The following EPC1 variants were observed in gnomAD, a reference collection of about 807,000 sequenced individuals.
EPC1 encodes the protein enhancer of polycomb 1, also known as enhancer of polycomb homolog 1.
Under a neutral mutation model 98.4 loss-of-function variants are expected in EPC1, and 12 were observed. That is an observed-to-expected ratio of 0.12 (90% CI 0.08 to 0.20). EPC1 has a LOEUF of 0.20. EPC1 is among the 10% of genes least tolerant of loss of function. The pLI is 1.00. For synonymous variants in EPC1, 357 were observed against 363.9 expected (o/e 0.98, Z 0.21); for missense variants, 729 against 990.5 (o/e 0.74, Z 3.54).
intron 1 of EPC1, among the ~76,000 whole-genome samples, chr10:32,331,550 T>C (rs763715246): frequency 1.1e-4 from 17 of 151,974 alleles, no homozygotes; most frequent in Non-Finnish European, 2.4e-4. Context: ...AATAGATGAC[T>C]TCTCCAGAAC....
intron 6 of EPC1, among the ~76,000 whole-genome samples, chr10:32,288,596 C>T (rs1017634966): frequency 6.6e-6 from 1 of 152,052 alleles, no homozygotes; most frequent in Non-Finnish European, 1.5e-5. Context: ...AGTGACCTGC[C>T]TGCCTCTACC....
At chr10:32,287,927 T>C (rs891043522) in intron 6 of EPC1, among the ~76,000 whole-genome samples, 2 of 152,198 alleles carry the variant, frequency 1.3e-5, no homozygotes, top group African/African-American at 4.8e-5. Flanking sequence ...ACTGAGCTGA[T>C]GGAACACAGC....
Position 32,339,583 on chromosome 10 carries a change from T to C in EPC1, c.153+7180A>G, listed in dbSNP as rs1193626236. Reference sequence around the variant, plus strand: ...TAATAACAACCTAAGTTAAAATACATAGTTTTTCACAATCATATCATACAA... The same window carrying C: ...TAATAACAACCTAAGTTAAAATACACAGTTTTTCACAATCATATCATACAA... On this transcript the variant is annotated intron_variant, in intron 1 of 13. Transcript: ENST00000319778. 7.2e-5 allele frequency among the ~76,000 whole-genome samples: 11 copies of C among 152,278 alleles called. No homozygotes were observed. In the East Asian group the frequency reaches 2.1e-3, roughly 29 times the overall value.
chr10:32,338,318 A>G (rs1418672728), intron 1 of EPC1, among the ~76,000 whole-genome samples: 11 of 151,914 alleles, frequency 7.2e-5, no homozygotes, highest in Admixed American at 7.2e-4. Flanking sequence ...ATATATCTCA[A>G]ATCCATCCAT....
chr10:32,340,692 T>C (rs1382305222), intron 1 of EPC1, among the ~76,000 whole-genome samples: 1 of 152,044 alleles, frequency 6.6e-6, no homozygotes, highest in Non-Finnish European at 1.5e-5. Context: ...GGCGTGGTGG[T>C]GTGTACCTGT....
At chr10:32,331,200 T>A (rs994447839) in intron 1 of EPC1, among the ~76,000 whole-genome samples, 4 of 152,026 alleles carry the variant, frequency 2.6e-5, no homozygotes, top group Admixed American at 6.6e-5. Context: ...AAGGAAACTT[T>A]AATTAACTGG....
At chr10:32,339,466 A>T (rs531981271) in intron 1 of EPC1, among the ~76,000 whole-genome samples, 163 of 152,182 alleles carry the variant, frequency 1.1e-3, no homozygotes, top group Non-Finnish European at 1.9e-3. Context: ...AATCGCTTGA[A>T]TCTGGGAGGT....
intron 1 of EPC1, among the ~76,000 whole-genome samples, chr10:32,316,363 T>C (rs1262700889): frequency 6.6e-6 from 1 of 152,098 alleles, no homozygotes; most frequent in Non-Finnish European, 1.5e-5. Flanking sequence ...CAGAAAGACG[T>C]GAGTAAGAAT....
At chr10:32,346,074 G>A (rs1033245450) in intron 1 of EPC1, among the ~76,000 whole-genome samples, 8 of 152,200 alleles carry the variant, frequency 5.3e-5, no homozygotes, top group Admixed American at 1.3e-4. Context: ...GTCCCAGAAA[G>A]AGGACACTGA....
intron 10 of EPC1, among the ~76,000 whole-genome samples, chr10:32,277,159 C>A (rs999449928): frequency 2.0e-5 from 3 of 152,138 alleles, no homozygotes; most frequent in African/African-American, 4.8e-5. Context: ...GAGGTACCAA[C>A]AATATGAATC....
chr10:32,328,379 G>C (rs1349707645), intron 1 of EPC1, among the ~76,000 whole-genome samples: 1 of 152,192 alleles, frequency 6.6e-6, no homozygotes, highest in Non-Finnish European at 1.5e-5. Context: ...TGGCATATGA[G>C]CTGAATGGAA....
At chr10:32,307,683 A>G (rs1255632751) in intron 1 of EPC1, among the ~76,000 whole-genome samples, 1 of 152,204 alleles carries the variant, frequency 6.6e-6, no homozygotes, top group Non-Finnish European at 1.5e-5. Context: ...CTACTTTGGT[A>G]GTCTATTGCC....
chr10:32,293,041 T>C lies in EPC1; in HGVS notation c.613A>G (p.Asn205Asp), dbSNP rs1370972442. 4 of 1,611,958 alleles carry C rather than the reference T, an allele frequency of 2.5e-6. No homozygotes were observed. Among genetic ancestry groups the C allele is most frequent in the African/African-American group, 2.7e-5 (2 of 74,888 alleles). ...CTTCTAAAAGCCACATAAGGATCAT[T>C]TGTGCTGGAACCATCTCGCTTCTCT... is the stretch of plus-strand genomic sequence containing the variant. ...KQEKRDGSSTNDPYVAFRRRT... is the reference protein window; with the variant it reads ...KQEKRDGSSTDDPYVAFRRRT... Residue 205 changes from asparagine to aspartate, a missense_variant, in exon 4 of 14, where the codon AAT becomes GAT. Asn to Asp is a conservative substitution (Grantham distance 23). Around this residue, in one of 6 missense-constraint regions of EPC1, gnomAD observed 39 missense variants for 94.9 expected, o/e 0.41. Coordinates refer to ENST00000319778, the MANE Select transcript of EPC1 (RefSeq NM_001272004.3).
intron 1 of EPC1, among the ~76,000 whole-genome samples, chr10:32,358,959 T>C (rs1474428262): frequency 1.3e-5 from 2 of 152,186 alleles, no homozygotes; most frequent in African/African-American, 4.8e-5. Context: ...CTCTTTAAGA[T>C]AGGTAGAGGC....
At chr10:32,370,284 C>T (rs1229824774) in intron 1 of EPC1, among the ~76,000 whole-genome samples, 1 of 152,128 alleles carries the variant, frequency 6.6e-6, no homozygotes, top group African/African-American at 2.4e-5. Flanking sequence ...GGGCCTCCCT[C>T]ACCTCCTAGG....
chr10:32,370,819 A>G (rs1839725382), intron 1 of EPC1, among the ~76,000 whole-genome samples: 1 of 152,234 alleles, frequency 6.6e-6, no homozygotes, highest in African/African-American at 2.4e-5. Flanking sequence ...GCCACATGTT[A>G]CTAGTGAGTA....
upstream of EPC1, among the ~76,000 whole-genome samples, chr10:32,348,432 A>C (rs1592630011): frequency 6.6e-6 from 1 of 152,208 alleles, no homozygotes; most frequent in Non-Finnish European, 1.5e-5. Flanking sequence ...CCTGGGAACT[A>C]CGTAGTAAAA....
chr10:32,289,419 C>T (rs1012281364), intron 6 of EPC1, among the ~76,000 whole-genome samples: 2 of 150,670 alleles, frequency 1.3e-5, no homozygotes, highest in African/African-American at 2.4e-5. Context: ...TCCCCGCCTC[C>T]CCCTGCAAAA....
intron 1 of EPC1, among the ~76,000 whole-genome samples, chr10:32,343,566 A>T (rs943773669): frequency 4.6e-5 from 7 of 152,176 alleles, no homozygotes; most frequent in African/African-American, 1.7e-4. Context: ...GCGAATTCAC[A>T]TTTAATCTCT....
Sources: gnomAD v4.1 joint callset for allele counts (sites outside exome capture counted in the v4.1 genomes callset) on GRCh38, gnomAD v4.1.1 for gene constraint, gnomAD v4.1.1 regional missense constraint, MANE v1.5 for transcripts, NCBI Gene and HGNC (gene_info 2026-07-23, HGNC 2026-07-21) for gene names.